The following ELAPOR2 variants were observed in gnomAD, a reference collection of about 807,000 sequenced individuals.
The protein encoded by ELAPOR2 is endosome-lysosome associated apoptosis and autophagy regulator family member 2.
ELAPOR2 carries 89 observed loss-of-function variants against 120.7 expected under a neutral mutation model. The observed-to-expected ratio is 0.74, with a 90% CI of 0.62 to 0.88. The LOEUF is 0.88. ELAPOR2 is among the 40% of genes least tolerant of loss of function. The pLI, the probability that ELAPOR2 is intolerant of heterozygous loss-of-function variation, is 0.00. For missense variants in ELAPOR2, 1,134 were observed against 1,251.6 expected, an observed-to-expected ratio of 0.91 and a Z score of 1.42; for synonymous variants, 444 against 444.9, an observed-to-expected ratio of 1.00 and a Z score of 0.03.
intron 1 of ELAPOR2, among the ~76,000 whole-genome samples, chr7:87,033,669 A>G (rs951664046): frequency 6.6e-6 from 1 of 152,126 alleles, no homozygotes; most frequent in African/African-American, 2.4e-5. Context: ...ACTTTTCAAA[A>G]TTATTCTGAA....
At chr7:87,035,285 TCCA>T (rs1794551762) in intron 1 of ELAPOR2, among the ~76,000 whole-genome samples, 2 of 152,230 alleles carry the variant, frequency 1.3e-5, no homozygotes, top group South Asian at 4.1e-4. Context: ...AGGTTTGCAA[TCCA>T]TCCAAAGAAG....
intron 1 of ELAPOR2, among the ~76,000 whole-genome samples, chr7:87,052,624 A>G (rs56923047): frequency 0.048 from 7,356 of 152,250 alleles, 558 homozygotes; most frequent in African/African-American, 0.17. Context: ...TGACACTGCT[A>G]GTCCTAGGAG....
At chr7:86,950,886 A>C (rs1376216019) in intron 2 of ELAPOR2, among the ~76,000 whole-genome samples, 1 of 152,214 alleles carries the variant, frequency 6.6e-6, no homozygotes, top group Non-Finnish European at 1.5e-5. Context: ...AATAAAATAT[A>C]GTATAAGGTG....
chr7:86,888,888 T>G (rs1056461181), intron 21 of ELAPOR2, among the ~76,000 whole-genome samples: 1 of 152,124 alleles, frequency 6.6e-6, no homozygotes, highest in Non-Finnish European at 1.5e-5. Context: ...ACCCCACAAC[T>G]GTGAATAACA....
At chr7:87,023,908 C>T (rs1045619741) in intron 1 of ELAPOR2, among the ~76,000 whole-genome samples, 13 of 152,112 alleles carry the variant, frequency 8.5e-5, no homozygotes, top group African/African-American at 1.7e-4. Flanking sequence ...TTTTTGCACA[C>T]TGATTTTGTA....
chr7:87,019,949 T>G (rs1793986598), intron 1 of ELAPOR2, among the ~76,000 whole-genome samples: 1 of 152,214 alleles, frequency 6.6e-6, no homozygotes, highest in Non-Finnish European at 1.5e-5. Flanking sequence ...TTTTAGTTTT[T>G]CATTAAAAAT....
Position 87,012,108 on chromosome 7 carries a change from A to G in ELAPOR2, c.190-47084T>C, listed in dbSNP as rs947636622. On this transcript the variant is annotated intron_variant, in intron 1 of 21. Transcript: ENST00000450689. ...TAGCACACTTCAATTTGAAATAGCC[A>G]CATTTAAAGTGGTCAATATCTGGCC... 1.1e-4 allele frequency among the ~76,000 whole-genome samples: 16 copies of G among 152,282 alleles called. No homozygotes were observed. The East Asian group carries it at 1.7e-3, about 17-fold the overall frequency.
intron 20 of ELAPOR2, 101 bp downstream of exon 20, chr7:86,892,821 C>T (rs1788230519): frequency 6.3e-6 from 7 of 1,103,212 alleles, no homozygotes; most frequent in Non-Finnish European, 6.0e-6. Context: ...ATTCTTGTGT[C>T]TCTGAGAGAA....
intron 10 of ELAPOR2, among the ~76,000 whole-genome samples, chr7:86,923,637 G>T (rs1303157665): frequency 6.6e-6 from 1 of 151,732 alleles, no homozygotes; most frequent in Admixed American, 6.6e-5. Context: ...TGGTATTTTT[G>T]GCTTGGAGAA....
rs73388124 is a variant in ELAPOR2, at chr7:87,052,293, T to C, written c.189+7032A>G. On this transcript the variant is annotated intron_variant, in intron 1 of 21. Transcript: ENST00000450689. ...TGGAAGGTGAAAGGCACATCTCACA[T>C]GGCGGCAGACAAGAGAAGAGAGATT... Among the ~76,000 whole-genome samples the C allele has an allele frequency of 6.7e-3, 1,024 of 152,336 alleles. 11 individuals are homozygous for C. Among genetic ancestry groups the C allele is most frequent in the African/African-American group, 0.024 (981 of 41,570 alleles).
intron 1 of ELAPOR2, among the ~76,000 whole-genome samples, chr7:86,985,352 A>G (rs766974916): frequency 5.9e-5 from 9 of 152,250 alleles, no homozygotes; most frequent in Non-Finnish European, 1.2e-4. Flanking sequence ...TGAGGCCAGC[A>G]TCATCCAGAT....
At chr7:86,999,950 T>C in intron 1 of ELAPOR2, among the ~76,000 whole-genome samples, 1 of 152,114 alleles carries the variant, frequency 6.6e-6, no homozygotes, top group East Asian at 1.9e-4. Context: ...GAAAAGATGA[T>C]GCAAGAATAA....
chr7:87,021,952 T>A (rs1048831838), intron 1 of ELAPOR2, among the ~76,000 whole-genome samples: 1 of 152,142 alleles, frequency 6.6e-6, no homozygotes, highest in Non-Finnish European at 1.5e-5. Context: ...GTGTGATATA[T>A]CTCTATTTAG....
intron 21 of ELAPOR2, 200 bp downstream of exon 21, chr7:86,891,524 T>C: frequency 2.1e-6 from 1 of 484,620 alleles, no homozygotes; most frequent in Non-Finnish European, 3.6e-6. Context: ...TTACTGATGA[T>C]GTTTGACAAC....
intron 1 of ELAPOR2, among the ~76,000 whole-genome samples, chr7:86,972,641 G>A (rs1161309074): frequency 6.7e-6 from 1 of 149,118 alleles, no homozygotes; most frequent in East Asian, 2.0e-4. Context: ...AAACAGCTAA[G>A]TAATGAAAGA....
chr7:86,994,990 A>G (rs1793077232), intron 1 of ELAPOR2, among the ~76,000 whole-genome samples: 1 of 152,246 alleles, frequency 6.6e-6, no homozygotes, highest in Non-Finnish European at 1.5e-5. Context: ...TTACCAAGAT[A>G]GGAGAGTTTC....
chr7:86,926,920 C>CAAAAAAAAA lies in ELAPOR2; in HGVS notation c.1090-13_1090-5dup, dbSNP rs397698585. On this transcript the variant is annotated splice_polypyrimidine_tract_variant and splice_region_variant and intron_variant, in intron 8 of 21. Coordinates refer to ENST00000450689, the MANE Select transcript of ELAPOR2 (RefSeq NM_001142749.3). The stretch of plus-strand genomic sequence containing the variant: ...TCCACTTGTACATTATCTGTGTCTA[C>CAAAAAAAAA]AAAAAAAAAAAAAAAAAAAAAGCAA... The CAAAAAAAAA allele has an allele frequency of 1.3e-5, 12 of 891,278 alleles. No individual in the cohort carries two copies. The highest frequency in any genetic ancestry group is 1.4e-5 in the Non-Finnish European group (10 of 739,476). 55.2% of individuals were successfully genotyped at this position (891,278 alleles called of 1,614,324 possible).
intron 21 of ELAPOR2, among the ~76,000 whole-genome samples, chr7:86,884,849 C>A (rs2115754494): frequency 6.6e-6 from 1 of 152,220 alleles, no homozygotes; most frequent in South Asian, 2.1e-4. Context: ...TTTTTGGGCT[C>A]AACACCTCTT....
chr7:86,901,592 T>C (rs994185012), intron 18 of ELAPOR2, among the ~76,000 whole-genome samples: 1 of 152,224 alleles, frequency 6.6e-6, no homozygotes, highest in African/African-American at 2.4e-5. Flanking sequence ...AATACATTTA[T>C]CCATATTGTC....
Sources: allele counts gnomAD v4.1 joint callset (sites outside exome capture counted in the v4.1 genomes callset), GRCh38; gene constraint gnomAD v4.1.1; transcripts MANE v1.5; gene names NCBI Gene and HGNC (gene_info 2026-07-23, HGNC 2026-07-21).